The following PDZRN4 variants were observed in gnomAD, a reference collection of about 807,000 sequenced individuals.
The protein encoded by PDZRN4 is PDZ domain containing ring finger 4, also known as PDZ domain-containing RING finger protein 4.
A neutral mutation model predicts 99.0 loss-of-function variants in PDZRN4; 70 were observed. That is an observed-to-expected ratio of 0.71 (90% CI 0.58 to 0.86). PDZRN4 has a LOEUF of 0.86. Among genes scored for constraint, PDZRN4 ranks in the 40% least tolerant of loss-of-function variants. The pLI is 0.00. For synonymous variants in PDZRN4, 551 were observed against 501.6 expected (o/e 1.10, Z -1.32); for missense variants, 1,474 against 1,331.2 (o/e 1.11, Z -1.67).
At chr12:41,554,634 T>A (rs1450641145) in intron 6 of PDZRN4, among the ~76,000 whole-genome samples, 1 of 152,102 alleles carries the variant, frequency 6.6e-6, no homozygotes, top group African/African-American at 2.4e-5. Context: ...TGAAATCTGA[T>A]AGATGAAATT....
At chr12:41,481,681 G>A (rs1197490470) in intron 3 of PDZRN4, among the ~76,000 whole-genome samples, 3 of 152,052 alleles carry the variant, frequency 2.0e-5, no homozygotes, top group African/African-American at 7.2e-5. Flanking sequence ...GTAATCTTGA[G>A]AGTTTTTTCA....
intron 3 of PDZRN4, among the ~76,000 whole-genome samples, chr12:41,221,306 T>C (rs76058346): frequency 0.029 from 4,383 of 152,230 alleles, 160 homozygotes; most frequent in East Asian, 0.16. Flanking sequence ...ACACAGAAAT[T>C]AGTACGGTGA....
intron 3 of PDZRN4, among the ~76,000 whole-genome samples, chr12:41,497,967 C>CA (rs1938039160): frequency 6.6e-6 from 1 of 151,602 alleles, no homozygotes; most frequent in African/African-American, 2.4e-5. Context: ...ATAAATATAA[C>CA]AATATTATGA....
chr12:41,531,999 ATCTT>A (rs1308301246), intron 5 of PDZRN4, among the ~76,000 whole-genome samples: 3 of 152,184 alleles, frequency 2.0e-5, no homozygotes, highest in Non-Finnish European at 4.4e-5. Flanking sequence ...GTCTAAAAAA[ATCTT>A]TCTTTCGCAA....
chr12:41,511,832 G>A (rs1938309486), intron 5 of PDZRN4, among the ~76,000 whole-genome samples: 1 of 152,136 alleles, frequency 6.6e-6, no homozygotes, highest in Non-Finnish European at 1.5e-5. Flanking sequence ...ACACCATTAG[G>A]CTCATTCAGT....
At chr12:41,420,663 T>C (rs1952481140) in intron 3 of PDZRN4, among the ~76,000 whole-genome samples, 1 of 152,172 alleles carries the variant, frequency 6.6e-6, no homozygotes, top group Admixed American at 6.6e-5. Flanking sequence ...TGCAACTCCC[T>C]TAACTCTTGT....
At chr12:41,336,940 C>A (rs555581683) in intron 3 of PDZRN4, among the ~76,000 whole-genome samples, 1 of 150,594 alleles carries the variant, frequency 6.6e-6, no homozygotes. Flanking sequence ...GTGATGTTAT[C>A]CCAGGAGCAA....
At chr12:41,494,291 T>C (rs1212115992) in intron 3 of PDZRN4, among the ~76,000 whole-genome samples, 2 of 152,148 alleles carry the variant, frequency 1.3e-5, no homozygotes, top group Admixed American at 1.3e-4. Flanking sequence ...TATGAATGTA[T>C]AGAAAAATCC....
intron 3 of PDZRN4, among the ~76,000 whole-genome samples, chr12:41,447,563 C>T (rs191446661): frequency 2.2e-3 from 341 of 152,108 alleles, no homozygotes; most frequent in African/African-American, 7.8e-3. Flanking sequence ...TGACACAATA[C>T]GTTTAAAGGG....
chr12:41,207,572 T>C (rs1271191678), intron 3 of PDZRN4, among the ~76,000 whole-genome samples: 1 of 151,808 alleles, frequency 6.6e-6, no homozygotes, highest in Non-Finnish European at 1.5e-5. Flanking sequence ...TCACAAAATA[T>C]ATCTCAACAC....
intron 3 of PDZRN4, among the ~76,000 whole-genome samples, chr12:41,423,983 T>A (rs1395958077): frequency 1.3e-5 from 2 of 152,170 alleles, no homozygotes; most frequent in African/African-American, 2.4e-5. Context: ...AGCCCATGAC[T>A]GTTGTATTCC....
chr12:41,475,500 C>G (rs770945425), intron 3 of PDZRN4, among the ~76,000 whole-genome samples: 1 of 152,142 alleles, frequency 6.6e-6, no homozygotes, highest in Non-Finnish European at 1.5e-5. Context: ...GATTGCTAGG[C>G]TATAAGTGAT....
At chr12:41,402,059 C>A (rs112337523) in intron 3 of PDZRN4, among the ~76,000 whole-genome samples, 2,477 of 138,386 alleles carry the variant, frequency 0.018, 43 homozygotes, top group Middle Eastern at 0.048. Flanking sequence ...CTCCTCCCAC[C>A]CCTGGAGCAG....
chr12:41,315,847 T>C (rs973719260), intron 3 of PDZRN4, among the ~76,000 whole-genome samples: 23 of 152,174 alleles, frequency 1.5e-4, no homozygotes, highest in African/African-American at 5.3e-4. Context: ...TAGAAAGTCC[T>C]GGTCAGAACC....
At chr12:41,398,598 C>T (rs1007210662) in intron 3 of PDZRN4, among the ~76,000 whole-genome samples, 2 of 152,122 alleles carry the variant, frequency 1.3e-5, no homozygotes, top group African/African-American at 2.4e-5. Flanking sequence ...CTTACAAATG[C>T]TGCAAGCTGT....
chr12:41,291,309 G>T (rs2120908062), intron 3 of PDZRN4, among the ~76,000 whole-genome samples: 1 of 152,260 alleles, frequency 6.6e-6, no homozygotes. Flanking sequence ...GAAGGGCCAA[G>T]AAAGTCATAA....
At chr12:41,411,032 C>T (rs1410364168) in intron 3 of PDZRN4, among the ~76,000 whole-genome samples, 3 of 149,316 alleles carry the variant, frequency 2.0e-5, no homozygotes, top group South Asian at 2.1e-4. Flanking sequence ...GCACGTGCCA[C>T]CACACTGAGC....
chr12:41,245,709 A>G (rs550603858), intron 3 of PDZRN4, among the ~76,000 whole-genome samples: 23 of 152,238 alleles, frequency 1.5e-4, no homozygotes, highest in Non-Finnish European at 2.5e-4. Context: ...ATGGCAATAT[A>G]ATGGATGAAA....
chr12:41,195,398 A>AT (rs1950764272), intron 3 of PDZRN4, among the ~76,000 whole-genome samples: 1 of 152,132 alleles, frequency 6.6e-6, no homozygotes, highest in Admixed American at 6.5e-5. Context: ...ATGGAGGCAG[A>AT]TTTTCTATAT....
Sources: allele counts gnomAD v4.1 joint callset (sites outside exome capture counted in the v4.1 genomes callset), GRCh38; gene constraint gnomAD v4.1.1; transcripts MANE v1.5; gene names NCBI Gene and HGNC (gene_info 2026-07-23, HGNC 2026-07-21).